Variants in PCCA observed in about 807,000 individuals in gnomAD.
PCCA encodes the protein propionyl-CoA carboxylase alpha chain, mitochondrial.
PCCA carries 74 observed loss-of-function variants against 101.3 expected under a neutral mutation model. That is an observed-to-expected ratio of 0.73 (90% CI 0.61 to 0.89). PCCA has a LOEUF of 0.89. Ranked by LOEUF, PCCA falls within the 40% of genes least tolerant of loss-of-function variation. The pLI is 0.00. For synonymous variants in PCCA, 294 were observed against 313.6 expected, an observed-to-expected ratio of 0.94 and a Z score of 0.66; for missense variants, 891 against 907.0, an observed-to-expected ratio of 0.98 and a Z score of 0.23.
At chr13:100,196,613 C>T (rs778605184) in intron 6 of PCCA, among the ~76,000 whole-genome samples, 4 of 152,102 alleles carry the variant, frequency 2.6e-5, no homozygotes, top group Non-Finnish European at 4.4e-5. Flanking sequence ...CCCAGTAATA[C>T]TGAAACAGAA....
At chr13:100,416,262 C>T (rs966535076) in intron 19 of PCCA, among the ~76,000 whole-genome samples, 15 of 151,600 alleles carry the variant, frequency 9.9e-5, no homozygotes, top group African/African-American at 3.6e-4. Flanking sequence ...GATCTCAGCT[C>T]ACTGCAACCT....
At chr13:100,311,235 T>TG (rs1384327398) in intron 16 of PCCA, among the ~76,000 whole-genome samples, 4 of 112,800 alleles carry the variant, frequency 3.5e-5, no homozygotes, top group Admixed American at 9.0e-5. Flanking sequence ...TCCGTCTCAA[T>TG]GAAAAAAAAA....
intron 6 of PCCA, among the ~76,000 whole-genome samples, chr13:100,171,466 A>T (rs2055630503): frequency 6.6e-6 from 1 of 152,182 alleles, no homozygotes; most frequent in Non-Finnish European, 1.5e-5. Flanking sequence ...GCCTCCTCTG[A>T]CTACTATGCC....
intron 19 of PCCA, among the ~76,000 whole-genome samples, chr13:100,424,019 C>G (rs2078987102): frequency 6.6e-6 from 1 of 152,210 alleles, no homozygotes; most frequent in Non-Finnish European, 1.5e-5. Flanking sequence ...GGCTCTGCAT[C>G]TGTGGATCCA....
chr13:100,528,536 T>C (rs1258130582), intron 23 of PCCA, among the ~76,000 whole-genome samples: 1 of 152,210 alleles, frequency 6.6e-6, no homozygotes, highest in African/African-American at 2.4e-5. Context: ...ACACAACCTC[T>C]GTCTCATGCT....
chr13:100,150,595 C>T lies in PCCA; in HGVS notation c.301-4384C>T. 2.5e-6 allele frequency: 3 copies of T among 1,203,186 alleles called. 1 individual carries two copies. The South Asian group carries it at 3.6e-5, about 15-fold the overall frequency. 74.5% of individuals were successfully genotyped at this position (1,203,186 alleles called of 1,614,324 possible). On this transcript the variant is annotated intron_variant, in intron 4 of 23. Transcript: ENST00000376285. ...TTCCAAGGGCCAGGGCTCTTTTGGC[C>T]TGCAGATGTCAGCCCACACATCTCC...
chr13:100,495,960 C>T (rs2085243850), intron 21 of PCCA, among the ~76,000 whole-genome samples: 1 of 135,354 alleles, frequency 7.4e-6, no homozygotes, highest in South Asian at 3.1e-4. Context: ...ATTGTGTATT[C>T]CTCTCTTTCT....
chr13:100,430,654 T>C (rs1037797744), intron 20 of PCCA, among the ~76,000 whole-genome samples: 11 of 152,224 alleles, frequency 7.2e-5, no homozygotes, highest in Non-Finnish European at 1.5e-4. Flanking sequence ...ATTTTCCTTA[T>C]TTTGTTGTCA....
At chr13:100,357,067 G>A (rs1039908001) in intron 18 of PCCA, among the ~76,000 whole-genome samples, 8 of 152,120 alleles carry the variant, frequency 5.3e-5, no homozygotes, top group Non-Finnish European at 7.4e-5. Flanking sequence ...AACTGCTCTC[G>A]TATCTAATGT....
At chr13:100,348,521 C>A (rs190147331) in intron 18 of PCCA, among the ~76,000 whole-genome samples, 1 of 152,134 alleles carries the variant, frequency 6.6e-6, no homozygotes, top group African/African-American at 2.4e-5. Flanking sequence ...TAAACAACCA[C>A]TTTTTTTAAA....
At chr13:100,155,235 C>T (rs971729582) in intron 5 of PCCA, 143 bp downstream of exon 5, 54 of 669,580 alleles carry the variant, frequency 8.1e-5, no homozygotes, top group Middle Eastern at 3.5e-4. Flanking sequence ...TAAATGTGGT[C>T]GAATTCGCTA....
intron 19 of PCCA, among the ~76,000 whole-genome samples, chr13:100,416,583 A>G (rs1234172983): frequency 6.6e-6 from 1 of 151,050 alleles, no homozygotes; most frequent in Non-Finnish European, 1.5e-5. Context: ...CCCAGGGTAG[A>G]GTGCAATGGC....
At chr13:100,415,166 G>C (rs1422718552) in intron 19 of PCCA, among the ~76,000 whole-genome samples, 3 of 150,994 alleles carry the variant, frequency 2.0e-5, no homozygotes, top group African/African-American at 7.3e-5. Flanking sequence ...CACTTTGGAA[G>C]GCTCAGGTGA....
Position 100,132,907 on chromosome 13 carries a change from G to A in PCCA, c.300+20846G>A, listed in dbSNP as rs2050695528. On this transcript the variant is annotated intron_variant, in intron 4 of 23. Coordinates refer to ENST00000376285, the MANE Select transcript of PCCA (RefSeq NM_000282.4). ...TCCTGCCTCAGCGTCCTGAGTAGCT[G>A]TAGCTGGCATTACAGGCACCTGTCA... Among the ~76,000 whole-genome samples, 6 of 152,138 alleles carry A rather than the reference G, an allele frequency of 3.9e-5. No homozygotes were observed. The South Asian group carries it at 1.2e-3, about 32-fold the overall frequency.
intron 12 of PCCA, among the ~76,000 whole-genome samples, chr13:100,282,569 G>A (rs1190758956): frequency 2.6e-5 from 4 of 152,324 alleles, no homozygotes; most frequent in East Asian, 3.9e-4. Flanking sequence ...CTTAGCACCC[G>A]GGCCAGCGGC....
chr13:100,185,088 A>G (rs895069648), intron 6 of PCCA, among the ~76,000 whole-genome samples: 6 of 152,252 alleles, frequency 3.9e-5, no homozygotes, highest in South Asian at 2.1e-4. Flanking sequence ...AAGTAAGACA[A>G]ATGTCTGCAC....
intron 18 of PCCA, among the ~76,000 whole-genome samples, chr13:100,354,666 C>T (rs2073772727): frequency 6.6e-6 from 1 of 151,904 alleles, no homozygotes; most frequent in African/African-American, 2.4e-5. Flanking sequence ...AGGGGGTATG[C>T]CTACTGACCT....
chr13:100,312,351 T>C (rs1241722473), intron 16 of PCCA, among the ~76,000 whole-genome samples: 3 of 152,244 alleles, frequency 2.0e-5, no homozygotes, highest in Non-Finnish European at 2.9e-5. Context: ...GGACTCATAG[T>C]GTCTCTGTGT....
intron 19 of PCCA, 64 bp from the exon 20 acceptor site, chr13:100,425,569 A>G (rs2079083345): frequency 9.2e-7 from 1 of 1,090,704 alleles, no homozygotes; most frequent in Non-Finnish European, 1.4e-6. Context: ...TGTATGCAGC[A>G]ATGAACTTGA....
Sources: allele counts gnomAD v4.1 joint callset (sites outside exome capture counted in the v4.1 genomes callset), GRCh38; gene constraint gnomAD v4.1.1; transcripts MANE v1.5; gene names NCBI Gene and HGNC (gene_info 2026-07-23, HGNC 2026-07-21).